The following ARHGAP4 variants were observed in gnomAD, a reference collection of about 807,000 sequenced individuals.
The protein encoded by ARHGAP4 is Rho GTPase activating protein 4.
Under a neutral mutation model 67.6 loss-of-function variants are expected in ARHGAP4, and 25 were observed. The observed-to-expected ratio is 0.37, with a 90% confidence interval of 0.27 to 0.52. The LOEUF is 0.52. ARHGAP4 is among the 20% of genes least tolerant of loss of function. The pLI is 0.92. For missense variants in ARHGAP4, 804 were observed against 854.6 expected (o/e 0.94, Z 0.74); for synonymous variants, 448 against 373.7 (o/e 1.20, Z -2.29).
chrX:153,912,169 G>A (rs782013818), intron 12 of ARHGAP4, among the ~76,000 whole-genome samples: 1 of 105,488 alleles, frequency 9.5e-6, no homozygotes. Flanking sequence ...TTACAGGCAC[G>A]TGCCACCATG....
At position 153,919,346 on chromosome X, in the gene ARHGAP4, T is replaced by C. The variant is rs782596279; in HGVS notation, c.682-63A>G. The C allele has an allele frequency of 9.1e-6, 11 of 1,206,804 alleles. No homozygotes were observed. The East Asian group carries it at 2.7e-4, about 29-fold the overall frequency. ...GTGGCCAGCCCCTATCTCTAGCCTT[T>C]CATGTAATGCCCATCGCCTCCCCTC... On this transcript the variant is annotated intron_variant, in intron 5 of 21. Coordinates refer to ENST00000350060, the MANE Select transcript of ARHGAP4 (RefSeq NM_001666.5).
Position 153,921,762 on chromosome X carries a change from C to T in ARHGAP4, c.115G>A (p.Gly39Ser), listed in dbSNP as rs1557105419. The change falls in exon 2 of 22, where the codon GGC becomes AGC. Residue 39 changes from glycine to serine, a missense_variant. This residue lies in a region of ARHGAP4 where 404 missense variants were observed against 505.9 expected (regional missense o/e 0.80). Transcript: ENST00000350060. The stretch of plus-strand genomic sequence containing the variant: ...TGCAGCAACTCCCGCCGCAGCTCGC[C>T]CTGCAGCTCCAGGCAGCGCAGCTGC... Reference protein sequence around the residue: ...SEQLRCLELQGELRRELLQEL... With the variant: ...SEQLRCLELQSELRRELLQEL... 8.3e-7 allele frequency: 1 copy of T among 1,202,107 alleles called. No individual in the cohort carries two copies. Among genetic ancestry groups the T allele is most frequent in the Non-Finnish European group, 1.1e-6 (1 of 891,296 alleles).
At position 153,913,879 on chromosome X, in the gene ARHGAP4, C is replaced by T. The variant is rs1294790219; in HGVS notation, c.1033G>A (p.Val345Met). 3.4e-5 allele frequency: 41 copies of T among 1,209,724 alleles called. No individual in the cohort carries two copies. Among genetic ancestry groups the T allele is most frequent in the Non-Finnish European group, 4.2e-5 (38 of 894,277 alleles). Residue 345 changes from valine (V) to methionine (M), a missense_variant and splice_region_variant, in exon 8 of 22, where the codon GTG (valine) becomes ATG (methionine). Transcript: ENST00000350060. ...TCCATTTCAACGCAGATCTCAGCCA[C>T]CTGCAGAGGGCGGCGGCCAGGGGGC... ...FDYHPHDGDE[V>M]AEICVEMELR...
At chrX:153,916,856 T>C (rs1219415858) in intron 7 of ARHGAP4, among the ~76,000 whole-genome samples, 1 of 112,488 alleles carries the variant, frequency 8.9e-6, no homozygotes, top group Non-Finnish European at 1.9e-5. Flanking sequence ...GGCAAGCAGA[T>C]CACCTGAAGT....
chrX:153,920,347 C>A, intron 5 of ARHGAP4: 3 of 363,833 alleles, frequency 8.2e-6, no homozygotes, highest in South Asian at 1.1e-4. Context: ...TTCTTGCCCC[C>A]CTCTGAAACC....
Position 153,922,504 on chromosome X carries a change from A to G in ARHGAP4, c.68-695T>C, listed in dbSNP as rs782140289. On this transcript the variant is annotated intron_variant, in intron 1 of 21. Coordinates refer to ENST00000350060, the MANE Select transcript of ARHGAP4 (RefSeq NM_001666.5). ...ATTCCCCCACCCTGCAGAGAGAGTC[A>G]CACCCAGGGCCCCATACTGCCGGCC... 101 of 667,056 alleles carry G rather than the reference A, an allele frequency of 1.5e-4. No individual in the cohort carries two copies. The African/African-American group carries it at 2.6e-3, about 17-fold the overall frequency. 55.0% of individuals were successfully genotyped at this position (667,056 alleles called of 1,213,427 possible). A position where few individuals can be genotyped will look rare whatever the true frequency, so the allele number is the denominator to read the frequency against.
intron 21 of ARHGAP4, 61 bp downstream of exon 21, chrX:153,909,009 C>T: frequency 8.8e-7 from 1 of 1,140,307 alleles, no homozygotes; most frequent in Non-Finnish European, 1.2e-6. Flanking sequence ...GTTTGGCTTC[C>T]AAGGGGAGGC....
chrX:153,909,242 TC>T (rs2064997064), intron 20 of ARHGAP4, 73 bp from the exon 21 acceptor site: 1 of 1,010,006 alleles, frequency 9.9e-7, no homozygotes, highest in Non-Finnish European at 1.3e-6. Context: ...GCTCCTCCCA[TC>T]CTGGGGTGTG....
chrX:153,914,530 C>T (rs1490391797), intron 7 of ARHGAP4, among the ~76,000 whole-genome samples: 1 of 111,276 alleles, frequency 9.0e-6, no homozygotes, highest in African/African-American at 3.3e-5. Flanking sequence ...ACCCTGTCTC[C>T]GCTAAAAATA....
Position 153,926,261 on chromosome X carries a change from C to A in ARHGAP4, c.-59G>T. ...GCTCCCACGCGGCCGTGAGCGGGCC[C>A]GGCGCCGGGACTTGGGGGCGCTGCG... On this transcript the variant is annotated 5_prime_UTR_variant, in exon 1 of 22. Coordinates refer to ENST00000350060, the MANE Select transcript of ARHGAP4 (RefSeq NM_001666.5). 1 of 1,000,302 alleles carries A rather than the reference C, an allele frequency of 1.0e-6. No homozygotes were observed. Among genetic ancestry groups the A allele is most frequent in the South Asian group, 2.8e-5 (1 of 36,102 alleles). The allele number at this position is 1,000,302 out of a possible 1,213,427, so 82.4% of individuals were successfully genotyped here.
chrX:153,914,058 G>A (rs1177327888), intron 7 of ARHGAP4, 179 bp from the exon 8 acceptor site: 1 of 443,549 alleles, frequency 2.3e-6, no homozygotes, highest in East Asian at 3.7e-5. Flanking sequence ...ACCAAGACTT[G>A]TCCACAGAGG....
intron 11 of ARHGAP4, 33 bp downstream of exon 11, chrX:153,912,991 G>A (rs375094345): frequency 7.8e-5 from 86 of 1,103,028 alleles, no homozygotes; most frequent in South Asian, 1.9e-4. Flanking sequence ...ATGGCGGACC[G>A]TCGCAGGGCC....
chrX:153,908,024 A>G, intron 21 of ARHGAP4, 62 bp from the exon 22 acceptor site: 1 of 1,031,131 alleles, frequency 9.7e-7, no homozygotes. Context: ...CCTGCCCAAG[A>G]CCCACCTGAG....
rs1434526940 is a variant in ARHGAP4, at chrX:153,909,731, GC to G, written c.2414+9del. On this transcript the variant is annotated intron_variant, in intron 19 of 21. Transcript: ENST00000350060. ...GGGAGCCCTGGGGCCTGAGGGCGCG[GC>G]TCACTCACCCGGCGGGCAGCGTGAT... 21 of 1,179,720 alleles carry G rather than the reference GC, an allele frequency of 1.8e-5. No homozygotes were observed. Among genetic ancestry groups the G allele is most frequent in the Non-Finnish European group, 2.4e-5 (21 of 880,273 alleles).
At position 153,910,722 on chromosome X, in the gene ARHGAP4, G is replaced by A. The variant is rs782814251; in HGVS notation, c.1794C>T (p.Phe598=). Residue 598 remains phenylalanine, a synonymous_variant, in exon 15 of 22, where the codon TTC becomes TTT. Coordinates refer to ENST00000350060, the MANE Select transcript of ARHGAP4 (RefSeq NM_001666.5). The part of the protein sequence containing the change: ...LEPPLFPPDL[F]GELLASSELE... ...CACCCGAAGAAGCCAGCAGCTCGCCGAACAGGTCTGGGGGGAAGAGTGGGG... is the reference window on the plus strand; with the variant it reads ...CACCCGAAGAAGCCAGCAGCTCGCCAAACAGGTCTGGGGGGAAGAGTGGGG... 1.9e-5 allele frequency: 23 copies of A among 1,193,190 alleles called. No homozygotes were observed. Among genetic ancestry groups the A allele is most frequent in the Middle Eastern group, 2.3e-4 (1 of 4,290 alleles).
chrX:153,919,796 T>TTA lies in ARHGAP4; in HGVS notation c.682-514_682-513insTA, dbSNP rs200940749. 1,594 of 857,544 alleles carry TTA rather than the reference T, an allele frequency of 1.9e-3. 21 individuals carry two copies. The African/African-American group carries it at 0.03, about 16-fold the overall frequency. 70.7% of individuals were successfully genotyped at this position (857,544 alleles called of 1,213,427 possible). A position where few individuals can be genotyped will look rare whatever the true frequency, so the allele number is the denominator to read the frequency against. ...CTGGCACTCTATTTTTTTTTTATTT[T>TTA]TTTTTTTTGAGACAGAGTCTCGCTC... On this transcript the variant is annotated intron_variant, in intron 5 of 21. Coordinates refer to ENST00000350060, the MANE Select transcript of ARHGAP4 (RefSeq NM_001666.5).
chrX:153,918,856 G>C lies in ARHGAP4; in HGVS notation c.1008C>G (p.Asp336Glu), dbSNP rs374698373. The C allele has an allele frequency of 1.6e-5, 19 of 1,211,143 alleles. No individual in the cohort carries two copies. In the South Asian group the frequency reaches 2.8e-4, roughly 18 times the overall value. The change falls in exon 7 of 22, where the codon GAC (aspartate) becomes GAG (glutamate). Residue 336 changes from aspartate (D) to glutamate (E), a missense_variant. Asp to Glu is a conservative substitution (Grantham distance 45). Around this residue, in one of 2 missense-constraint regions of ARHGAP4, gnomAD observed 404 missense variants for 505.9 expected, o/e 0.80. Transcript: ENST00000350060. Reference sequence around the variant, plus strand: ...CCTCATCCCCATCATGGGGGTGGTAGTCAAAGCGCAGCGGGGGACAGAAGA... The same window carrying C: ...CCTCATCCCCATCATGGGGGTGGTACTCAAAGCGCAGCGGGGGACAGAAGA... ...ATVFCPPLRF[D>E]YHPHDGDEVA...
chrX:153,926,235 T>G lies in ARHGAP4; in HGVS notation c.-33A>C. 1 of 1,125,924 alleles carries G rather than the reference T, an allele frequency of 8.9e-7. No homozygotes were observed. Among genetic ancestry groups the G allele is most frequent in the Non-Finnish European group, 1.2e-6 (1 of 854,305 alleles). The allele number at this position is 1,125,924 out of a possible 1,213,427, so 92.8% of individuals were successfully genotyped here. A position where few individuals can be genotyped will look rare whatever the true frequency, so the allele number is the denominator to read the frequency against. On this transcript the variant is annotated 5_prime_UTR_variant, in exon 1 of 22. Coordinates refer to ENST00000350060, the MANE Select transcript of ARHGAP4 (RefSeq NM_001666.5). ...TCGCGGCCGCGCCGTCGAACCCCAC[T>G]GCTCCCACGCGGCCGTGAGCGGGCC... is the stretch of plus-strand genomic sequence containing the variant.
intron 7 of ARHGAP4, among the ~76,000 whole-genome samples, chrX:153,915,778 C>A (rs1557104197): frequency 9.0e-6 from 1 of 111,728 alleles, no homozygotes; most frequent in Non-Finnish European, 1.9e-5. Flanking sequence ...CAGAGCCAGA[C>A]CCTCTCTCTA....
Sources: allele counts gnomAD v4.1 joint callset (sites outside exome capture counted in the v4.1 genomes callset), GRCh38; gene constraint gnomAD v4.1.1; regional missense constraint gnomAD v4.1.1; transcripts MANE v1.5; gene names NCBI Gene and HGNC (gene_info 2026-07-23, HGNC 2026-07-21).